BBX: variants seen among roughly 807,000 people sequenced by gnomAD.
BBX encodes HMG box transcription factor BBX.
Under a neutral mutation model 100.2 loss-of-function variants are expected in BBX, and 30 were observed. The observed-to-expected ratio is 0.30, with a 90% confidence interval of 0.22 to 0.41. The LOEUF is 0.41. Among genes scored for constraint, BBX ranks in the 10% least tolerant of loss-of-function variants. BBX has a pLI of 1.00. For synonymous variants in BBX, 376 were observed against 388.1 expected, an observed-to-expected ratio of 0.97 and a Z score of 0.37; for missense variants, 1,023 against 1,129.8, an observed-to-expected ratio of 0.91 and a Z score of 1.35.
chr3:107,762,482 T>A (rs1468445283), intron 10 of BBX, among the ~76,000 whole-genome samples: 2 of 152,220 alleles, frequency 1.3e-5, no homozygotes, highest in East Asian at 3.8e-4. Context: ...CATCAACCAG[T>A]GTATATTTCT....
At chr3:107,704,751 G>A (rs558233048) in intron 3 of BBX, among the ~76,000 whole-genome samples, 42 of 152,268 alleles carry the variant, frequency 2.8e-4, no homozygotes, top group Admixed American at 2.2e-3. Context: ...TTACTCTGGG[G>A]ATTACCTTTG....
At chr3:107,689,591 A>G (rs776812353) in intron 3 of BBX, among the ~76,000 whole-genome samples, 1 of 152,184 alleles carries the variant, frequency 6.6e-6, no homozygotes, top group Non-Finnish European at 1.5e-5. Context: ...AAAGTGAAGA[A>G]AAGTACATTG....
chr3:107,638,784 C>T (rs1442431534), intron 2 of BBX, among the ~76,000 whole-genome samples: 2 of 5,456 alleles, frequency 3.7e-4, no homozygotes, highest in African/African-American at 4.1e-3. Context: ...AAAGTATACA[C>T]ACACACACAC....
chr3:107,678,094 T>C (rs2059380304), intron 3 of BBX, among the ~76,000 whole-genome samples: 1 of 152,178 alleles, frequency 6.6e-6, no homozygotes, highest in Non-Finnish European at 1.5e-5. Context: ...TTTAAAGGAA[T>C]CAGGCTCTTA....
intron 2 of BBX, among the ~76,000 whole-genome samples, chr3:107,624,141 C>A (rs1027248834): frequency 6.6e-6 from 1 of 152,134 alleles, no homozygotes; most frequent in African/African-American, 2.4e-5. Context: ...GCTTCTCAAC[C>A]CTTCCTTACC....
chr3:107,743,832 C>T (rs1006776839), intron 7 of BBX, among the ~76,000 whole-genome samples: 1 of 149,182 alleles, frequency 6.7e-6, no homozygotes, highest in African/African-American at 2.5e-5. Context: ...TAAAAAATTA[C>T]ACAACTGGAA....
intron 2 of BBX, among the ~76,000 whole-genome samples, chr3:107,575,258 A>G (rs949470182): frequency 6.6e-6 from 1 of 152,218 alleles, no homozygotes; most frequent in Admixed American, 6.5e-5. Context: ...TCACCAACTT[A>G]TAAAGACATG....
At chr3:107,548,319 T>C (rs2049392155) in intron 2 of BBX, among the ~76,000 whole-genome samples, 1 of 152,220 alleles carries the variant, frequency 6.6e-6, no homozygotes, top group African/African-American at 2.4e-5. Context: ...AAAAACACTT[T>C]TGCCTTTTTC....
At chr3:107,625,853 A>G (rs1466900743) in intron 2 of BBX, among the ~76,000 whole-genome samples, 2 of 152,104 alleles carry the variant, frequency 1.3e-5, no homozygotes, top group South Asian at 2.1e-4. Context: ...TTAGATTCAA[A>G]GGGTATGTGT....
intron 2 of BBX, among the ~76,000 whole-genome samples, chr3:107,596,272 A>G (rs978780000): frequency 1.3e-5 from 2 of 152,124 alleles, no homozygotes; most frequent in Admixed American, 1.3e-4. Context: ...GAATGGGGGT[A>G]GGGACTTCAT....
chr3:107,805,328 CAT>C, intron 17 of BBX, 40 bp from the exon 18 acceptor site: 12 of 1,577,702 alleles, frequency 7.6e-6, no homozygotes, highest in Non-Finnish European at 1.0e-5. Flanking sequence ...TCTCTAATAA[CAT>C]ATGCTGAATA....
chr3:107,523,627 A>G (rs1055067953), intron 1 of BBX: 1 of 150,640 alleles, frequency 6.6e-6, no homozygotes, highest in African/African-American at 2.4e-5. Flanking sequence ...CCGCCCGGGG[A>G]GCCCCAAACT....
chr3:107,654,873 T>G (rs532431030), intron 3 of BBX, among the ~76,000 whole-genome samples: 1 of 152,252 alleles, frequency 6.6e-6, no homozygotes, highest in East Asian at 1.9e-4. Context: ...GGATTAAAGG[T>G]ACTAGAGGGT....
chr3:107,669,622 C>T (rs931377368), intron 3 of BBX, among the ~76,000 whole-genome samples: 2 of 152,100 alleles, frequency 1.3e-5, no homozygotes, highest in African/African-American at 4.8e-5. Flanking sequence ...TGGAGATTAT[C>T]ACTTAGAAAC....
intron 3 of BBX, among the ~76,000 whole-genome samples, chr3:107,696,212 G>C (rs1213043779): frequency 6.6e-6 from 1 of 151,806 alleles, no homozygotes; most frequent in African/African-American, 2.4e-5. Flanking sequence ...AGTTAATATT[G>C]TTATGTGTGA....
At chr3:107,778,735 C>T (rs1057434850) in intron 13 of BBX, among the ~76,000 whole-genome samples, 3 of 151,740 alleles carry the variant, frequency 2.0e-5, no homozygotes, top group African/African-American at 7.3e-5. Context: ...TATATTTGCC[C>T]GTGATGGTGT....
chr3:107,789,398 T>C (rs954878061), intron 13 of BBX, among the ~76,000 whole-genome samples: 2 of 152,202 alleles, frequency 1.3e-5, no homozygotes, highest in East Asian at 1.9e-4. Context: ...AGCAGTTTCA[T>C]TGGAGAGATA....
At chr3:107,664,345 C>T (rs1475443646) in intron 3 of BBX, among the ~76,000 whole-genome samples, 2 of 152,048 alleles carry the variant, frequency 1.3e-5, no homozygotes, top group East Asian at 3.9e-4. Flanking sequence ...TGTAAGTATT[C>T]TCTCTCTCTG....
intron 2 of BBX, among the ~76,000 whole-genome samples, chr3:107,610,659 C>T (rs2054779894): frequency 6.6e-6 from 1 of 151,968 alleles, no homozygotes; most frequent in Non-Finnish European, 1.5e-5. Flanking sequence ...ATAGGTATAG[C>T]CACTCCTGCT....
Sources: allele counts gnomAD v4.1 joint callset (sites outside exome capture counted in the v4.1 genomes callset), GRCh38; gene constraint gnomAD v4.1.1; transcripts MANE v1.5; gene names NCBI Gene and HGNC (gene_info 2026-07-23, HGNC 2026-07-21).